AACS: variants seen among roughly 807,000 people sequenced by gnomAD.
AACS encodes acetoacetyl-CoA synthetase, also known as acetoacetate-CoA ligase.
In AACS, 69 loss-of-function variants were observed where a neutral mutation model predicts 83.1. That is an observed-to-expected ratio of 0.83 (90% CI 0.68 to 1.01). AACS has a LOEUF of 1.01. AACS is among the 50% of genes least tolerant of loss of function. The pLI is 0.00. For missense variants in AACS, 866 were observed against 882.2 expected, an observed-to-expected ratio of 0.98 and a Z score of 0.23; for synonymous variants, 333 against 343.4, an observed-to-expected ratio of 0.97 and a Z score of 0.33.
chr12:125,115,620 C>G (rs1239425700), intron 9 of AACS, among the ~76,000 whole-genome samples: 1 of 152,160 alleles, frequency 6.6e-6, no homozygotes, highest in Non-Finnish European at 1.5e-5. Context: ...GAGGTCAATG[C>G]CCAGGGCCCT....
intron 3 of AACS, among the ~76,000 whole-genome samples, 170 bp downstream of exon 3, chr12:125,076,781 A>G (rs953371415): frequency 1.3e-5 from 2 of 152,228 alleles, no homozygotes; most frequent in African/African-American, 4.8e-5. Flanking sequence ...GGAAAGGGCC[A>G]GTGTGTGGTC....
chr12:125,094,496 G>A lies in AACS; in HGVS notation c.570+2973G>A, dbSNP rs904246157. ...TCCACTGAGAGCTCCTCGGCTGGCT[G>A]TGCTGGGTGCTGAAGGGACCCTCTC... On this transcript the variant is annotated intron_variant, in intron 5 of 17. Transcript: ENST00000316519. This position sits in a 1 kb window ranked among gnomAD's most constrained non-coding sequence, Gnocchi z 4.1. Among the ~76,000 whole-genome samples the A allele has an allele frequency of 6.6e-6, 1 of 152,212 alleles. No homozygotes were observed. Among genetic ancestry groups the A allele is most frequent in the African/African-American group, 2.4e-5 (1 of 41,452 alleles).
rs1466213857 is a variant in AACS, at chr12:125,130,391, A to T, written c.1549+931A>T. ...TGGCTCCTGCCGTGAGCAGCTGTGC[A>T]GACAGACGAATGCAGAAAAGCAAGA... On this transcript the variant is annotated intron_variant, in intron 14 of 17. Transcript: ENST00000316519. This position sits in a 1 kb window ranked among gnomAD's most constrained non-coding sequence, Gnocchi z 4.9. Among the ~76,000 whole-genome samples, 2 of 152,272 alleles carry T rather than the reference A, an allele frequency of 1.3e-5. No homozygotes were observed. Among genetic ancestry groups the T allele is most frequent in the Non-Finnish European group, 2.9e-5 (2 of 68,040 alleles).
chr12:125,134,564 G>C (rs1957372966), intron 15 of AACS, among the ~76,000 whole-genome samples: 1 of 152,226 alleles, frequency 6.6e-6, no homozygotes, highest in African/African-American at 2.4e-5. Flanking sequence ...CACGTGTGCA[G>C]GTGGGAAGGC....
chr12:125,121,230 G>A (rs1957148269), intron 10 of AACS: 1 of 152,350 alleles, frequency 6.6e-6, no homozygotes, highest in South Asian at 2.1e-4. Flanking sequence ...GGGGCTTTCG[G>A]AAGAATGCAG....
intron 3 of AACS, among the ~76,000 whole-genome samples, chr12:125,081,135 C>T (rs893881218): frequency 3.3e-5 from 5 of 151,938 alleles, no homozygotes; most frequent in Non-Finnish European, 5.9e-5. Context: ...TAGGGTTGCA[C>T]GCGTGCGCCA....
chr12:125,131,395 A>G (rs1957327051), intron 14 of AACS, among the ~76,000 whole-genome samples: 1 of 151,820 alleles, frequency 6.6e-6, no homozygotes. Context: ...TATTTTTTGT[A>G]GAGATGAGGT....
intron 5 of AACS, among the ~76,000 whole-genome samples, chr12:125,093,575 G>A (rs1345260866): frequency 2.6e-5 from 4 of 152,182 alleles, no homozygotes; most frequent in East Asian, 1.9e-4. Flanking sequence ...TGGAATCACC[G>A]CCTCCCCGAG....
At chr12:125,076,393 A>G (rs1022029946) in intron 2 of AACS, 98 bp from the exon 3 acceptor site, 10 of 1,526,806 alleles carry the variant, frequency 6.5e-6, no homozygotes, top group East Asian at 2.3e-5. Flanking sequence ...CCTGGGAAGA[A>G]GAACCACTTT....
chr12:125,139,838 C>T (rs1565959046), intron 17 of AACS: 1 of 152,290 alleles, frequency 6.6e-6, no homozygotes, highest in Admixed American at 6.5e-5. Context: ...ACCTCCTTTT[C>T]TTCGGAGCTC....
chr12:125,105,740 G>A (rs572219774), intron 7 of AACS: 3 of 152,280 alleles, frequency 2.0e-5, no homozygotes, highest in East Asian at 1.9e-4. Context: ...GAGAATTGAC[G>A]GGGCCGGGGG....
intron 1 of AACS, among the ~76,000 whole-genome samples, chr12:125,067,414 T>C (rs775259798): frequency 3.2e-4 from 49 of 152,240 alleles, no homozygotes; most frequent in Admixed American, 1.2e-3. Context: ...AACAGAATGC[T>C]GGTCTGGTGC....
At chr12:125,118,883 C>T (rs1421455341) in intron 10 of AACS, 118 bp downstream of exon 10, 1 of 1,422,058 alleles carries the variant, frequency 7.0e-7, no homozygotes, top group African/African-American at 1.4e-5. Flanking sequence ...CCAGCATGCT[C>T]TGCCTTTGTG....
chr12:125,137,436 C>G (rs959860778), intron 17 of AACS, among the ~76,000 whole-genome samples: 1 of 152,250 alleles, frequency 6.6e-6, no homozygotes, highest in Non-Finnish European at 1.5e-5. Flanking sequence ...CCCACCTCAG[C>G]CTCCCAAAGT....
chr12:125,068,286 C>T (rs1297192983), intron 1 of AACS, among the ~76,000 whole-genome samples: 1 of 152,050 alleles, frequency 6.6e-6, no homozygotes, highest in Admixed American at 6.6e-5. Context: ...GTGAAACCCC[C>T]ATCTCTACGA....
chr12:125,104,329 G>A (rs1032559651), intron 7 of AACS, among the ~76,000 whole-genome samples: 4 of 152,302 alleles, frequency 2.6e-5, no homozygotes, highest in East Asian at 3.9e-4. Context: ...AGGAGATGGC[G>A]GAGCCCTTTT....
intron 3 of AACS, 40 bp from the exon 4 acceptor site, chr12:125,086,290 G>A: frequency 6.4e-7 from 1 of 1,569,740 alleles, no homozygotes; most frequent in South Asian, 1.1e-5. Flanking sequence ...TTTTCTTTTT[G>A]CGGTGGTCTG....
chr12:125,096,472 G>T (rs1225417601), intron 5 of AACS, among the ~76,000 whole-genome samples: 1 of 152,232 alleles, frequency 6.6e-6, no homozygotes, highest in East Asian at 1.9e-4. Flanking sequence ...CACAGCCAAG[G>T]TCTGGACAGG....
rs149587566 is a variant in AACS at position 125,076,542 on chromosome 12, A to G, written c.289A>G (p.Ser97Gly). 5.0e-6 allele frequency: 8 copies of G among 1,614,104 alleles called. No individual in the cohort carries two copies. The African/African-American group carries it at 1.1e-4, about 22-fold the overall frequency. ...AGATGTCCCCGAGTGGTTCAAAGGC[A>G]GTCGGCTCAACTATGCAGAAAACCT... Reference protein sequence around the residue: ...IADVPEWFKGSRLNYAENLLR... With the variant: ...IADVPEWFKGGRLNYAENLLR... The change falls in exon 3 of 18, where the codon AGT becomes GGT. Residue 97 changes from serine to glycine, a missense_variant. Physicochemically the swap from Ser to Gly is moderately conservative, Grantham distance 56. Transcript: ENST00000316519.
Sources: allele counts gnomAD v4.1 joint callset (sites outside exome capture counted in the v4.1 genomes callset), GRCh38; gene constraint gnomAD v4.1.1; non-coding constraint Gnocchi (gnomAD v3.1); transcripts MANE v1.5; gene names NCBI Gene and HGNC (gene_info 2026-07-23, HGNC 2026-07-21).